Variants in TPPP observed in about 807,000 individuals in gnomAD.
TPPP encodes the protein tubulin polymerization promoting protein.
Under a neutral mutation model 15.5 loss-of-function variants are expected in TPPP, and 6 were observed. The ratio of observed to expected loss-of-function variants is 0.39; its 90% CI spans 0.21 to 0.77. The LOEUF (loss-of-function observed/expected upper bound fraction) is 0.77. Among genes scored for constraint, TPPP ranks in the 30% least tolerant of loss-of-function variants. The pLI is 0.42. For synonymous variants in TPPP, 146 were observed against 133.9 expected, an observed-to-expected ratio of 1.09 and a Z score of -0.63; for missense variants, 269 against 307.2, an observed-to-expected ratio of 0.88 and a Z score of 0.93.
chr5:669,166 C>CA (rs1183738017), intron 2 of TPPP, among the ~76,000 whole-genome samples: 1 of 152,190 alleles, frequency 6.6e-6, no homozygotes, highest in Non-Finnish European at 1.5e-5. Flanking sequence ...TTTGGGGAGA[C>CA]AGAGCCCCAG....
chr5:674,234 A>T (rs577866143), intron 2 of TPPP, among the ~76,000 whole-genome samples: 1 of 152,148 alleles, frequency 6.6e-6, no homozygotes, highest in South Asian at 2.1e-4. Context: ...GCACCCAGGG[A>T]CTCGTCCCAG....
chr5:693,682 C>A (rs1740961306), upstream of TPPP, among the ~76,000 whole-genome samples: 1 of 151,402 alleles, frequency 6.6e-6, no homozygotes. Context: ...CCGGGGACGA[C>A]CGGACCCCGA....
chr5:675,706 G>A (rs1271273689), intron 2 of TPPP: 2 of 154,794 alleles, frequency 1.3e-5, no homozygotes, highest in Admixed American at 1.3e-4. Context: ...CCCTTGCTCT[G>A]GCAGGCTCCT....
In TPPP at chr5:665,149, AG is replaced by A. The variant is rs1739841406; in HGVS notation, c.612del (p.Tyr205ThrfsTer247). ...TGGTCGTAGGTGCCTGCGTGCTTGT[AG>A]CCGGACACATAGCCTGACTCGTCCA... ...DLVDESGYVS[G>X]YKHAGTYDQK... On this transcript the variant is annotated frameshift_variant, in exon 4 of 4. Coordinates refer to ENST00000360578, the MANE Select transcript of TPPP (RefSeq NM_007030.3). LOFTEE classifies it high-confidence loss of function. 6.2e-7 allele frequency: 1 copy of A among 1,613,170 alleles called. No individual in the cohort carries two copies. Among genetic ancestry groups the A allele is most frequent in the East Asian group, 2.2e-5 (1 of 44,884 alleles).
At chr5:675,244 A>AACAT (rs1740375157) in intron 2 of TPPP, among the ~76,000 whole-genome samples, 1 of 9,680 alleles carries the variant, frequency 1.0e-4, no homozygotes, top group Non-Finnish European at 1.8e-4. Flanking sequence ...GGTGCAGTGC[A>AACAT]GGGGGTACAG....
chr5:674,713 G>A (rs1458454234), intron 2 of TPPP, among the ~76,000 whole-genome samples: 1 of 152,026 alleles, frequency 6.6e-6, no homozygotes, highest in African/African-American at 2.4e-5. Context: ...CGCTGCTGCA[G>A]GAGGCTGCAG....
chr5:683,378 C>G (rs1254989707), intron 1 of TPPP, among the ~76,000 whole-genome samples: 1 of 152,204 alleles, frequency 6.6e-6, no homozygotes, highest in African/African-American at 2.4e-5. Flanking sequence ...GCATCAGGCA[C>G]GCACGCCACA....
chr5:669,992 G>A (rs545469647), intron 2 of TPPP, among the ~76,000 whole-genome samples: 131 of 152,272 alleles, frequency 8.6e-4, no homozygotes, highest in Non-Finnish European at 1.5e-3. Flanking sequence ...CCAGCCCGGC[G>A]CCCTGCCCCA....
At chr5:674,899 G>A (rs964704538) in intron 2 of TPPP, among the ~76,000 whole-genome samples, 5 of 150,516 alleles carry the variant, frequency 3.3e-5, no homozygotes, top group African/African-American at 5.0e-5. Flanking sequence ...CCACAAGCAA[G>A]GCCTGTACTG....
At chr5:696,451 C>G, upstream of TPPP, among the ~76,000 whole-genome samples, 1 of 146,700 alleles carries the variant, frequency 6.8e-6, no homozygotes. Context: ...CTTTGACGGC[C>G]TATAGGCTGA....
At chr5:684,190 C>T (rs1199300408) in intron 1 of TPPP, among the ~76,000 whole-genome samples, 1 of 152,238 alleles carries the variant, frequency 6.6e-6, no homozygotes, top group Admixed American at 6.5e-5. Context: ...GGCCCCTCTG[C>T]AACGCCCAGT....
Position 678,126 on chromosome 5 carries a change from G to A in TPPP, c.-4-62C>T. On this transcript the variant is annotated intron_variant, in intron 1 of 3. Coordinates refer to ENST00000360578, the MANE Select transcript of TPPP (RefSeq NM_007030.3). ...CCATGTCCCAGCTGAGCCGGGTGCAGCCCAGGAAACCCCGCCGTACCAATG... is the reference window on the plus strand; with the variant it reads ...CCATGTCCCAGCTGAGCCGGGTGCAACCCAGGAAACCCCGCCGTACCAATG... 2.1e-6 allele frequency: 3 copies of A among 1,438,538 alleles called. No homozygotes were observed. In the South Asian group the frequency reaches 4.4e-5, roughly 21 times the overall value. The allele number at this position is 1,438,538 out of a possible 1,614,324, so 89.1% of individuals were successfully genotyped here.
chr5:699,564 G>T, the TPPP span, among the ~76,000 whole-genome samples: 6 of 152,038 alleles, frequency 3.9e-5, no homozygotes, highest in African/African-American at 1.2e-4. Context: ...CCTAGGCAAA[G>T]AATTTATGAA....
upstream of TPPP, among the ~76,000 whole-genome samples, chr5:697,075 C>T (rs1741026773): frequency 6.8e-6 from 1 of 147,852 alleles, no homozygotes; most frequent in African/African-American, 2.5e-5. Flanking sequence ...TGTGTGTGTG[C>T]ACGTGCCTGT....
chr5:700,121 A>G, the TPPP span, among the ~76,000 whole-genome samples: 2 of 152,016 alleles, frequency 1.3e-5, no homozygotes, highest in South Asian at 4.1e-4. Context: ...AGAATTAATT[A>G]TATCAAAAAC....
chr5:667,531 A>G (rs1739970798), intron 2 of TPPP, among the ~76,000 whole-genome samples: 10 of 152,188 alleles, frequency 6.6e-5, no homozygotes, highest in Admixed American at 6.5e-4. Context: ...TGGCAACAAA[A>G]CATGGCCTAT....
At chr5:670,713 T>C (rs1231452846) in intron 2 of TPPP, among the ~76,000 whole-genome samples, 2 of 152,088 alleles carry the variant, frequency 1.3e-5, no homozygotes, top group African/African-American at 4.8e-5. Flanking sequence ...AGCCTTGGGG[T>C]TCCCCATGCC....
chr5:686,137 C>G (rs1261696761), intron 1 of TPPP, among the ~76,000 whole-genome samples: 3 of 152,218 alleles, frequency 2.0e-5, no homozygotes, highest in Non-Finnish European at 4.4e-5. Flanking sequence ...CACCATTTCT[C>G]TAAAGCACGA....
At chr5:671,233 T>C (rs1028542624) in intron 2 of TPPP, among the ~76,000 whole-genome samples, 17 of 151,776 alleles carry the variant, frequency 1.1e-4, no homozygotes, top group Non-Finnish European at 8.8e-5. Flanking sequence ...TGCCGGCCTT[T>C]TCGTTTTCCT....
Sources: allele counts gnomAD v4.1 joint callset (sites outside exome capture counted in the v4.1 genomes callset), GRCh38; gene constraint gnomAD v4.1.1; transcripts MANE v1.5; gene names NCBI Gene and HGNC (gene_info 2026-07-23, HGNC 2026-07-21).